WIPF3: variants seen among roughly 807,000 people sequenced by gnomAD.
The protein encoded by WIPF3 is WAS/WASL interacting protein family member 3.
Under a neutral mutation model 38.9 loss-of-function variants are expected in WIPF3, and 33 were observed. That is an observed-to-expected ratio of 0.85 (90% CI 0.64 to 1.14). The LOEUF (loss-of-function observed/expected upper bound fraction) is 1.14. WIPF3 is among the 50% of genes most tolerant of loss of function. The probability of loss-of-function intolerance (pLI) is 0.00; values close to 1 mark genes in which losing one functional copy is unlikely to be tolerated. For synonymous variants in WIPF3, 324 were observed against 269.3 expected, an observed-to-expected ratio of 1.20 and a Z score of -1.99; for missense variants, 711 against 652.5, an observed-to-expected ratio of 1.09 and a Z score of -0.98.
chr7:29,851,482 G>T (rs2128068762), intron 2 of WIPF3, among the ~76,000 whole-genome samples: 1 of 152,218 alleles, frequency 6.6e-6, no homozygotes, highest in South Asian at 2.1e-4. Flanking sequence ...GGTCATGCAA[G>T]ACCACTCCCT....
intron 2 of WIPF3, among the ~76,000 whole-genome samples, chr7:29,866,236 G>T (rs1419632774): frequency 6.6e-6 from 1 of 152,220 alleles, no homozygotes; most frequent in African/African-American, 2.4e-5. Context: ...GAACTTTCTA[G>T]AAATTTTGGA....
chr7:29,884,711 C>G, intron 5 of WIPF3, 118 bp downstream of exon 5: 1 of 1,393,248 alleles, frequency 7.2e-7, no homozygotes, highest in Non-Finnish European at 9.4e-7. Flanking sequence ...GTGAGGGAGG[C>G]AGAGAGACTT....
chr7:29,898,315 A>T lies in WIPF3; in HGVS notation c.1352-5971A>T, dbSNP rs143740983. Among the ~76,000 whole-genome samples, 30 of 152,236 alleles carry T rather than the reference A, an allele frequency of 2.0e-4. No individual in the cohort carries two copies. The East Asian group carries it at 2.5e-3, about 13-fold the overall frequency. On this transcript the variant is annotated intron_variant, in intron 7 of 8. Transcript: ENST00000242140. ...CTTCTACTCCTGCATCCAACTTACC[A>T]GTGAACTCGGGTGTCTCTCCTTGAA...
chr7:29,834,645 T>A, intron 1 of WIPF3, 23 bp from the exon 2 acceptor site: 5 of 1,388,450 alleles, frequency 3.6e-6, no homozygotes, highest in Non-Finnish European at 4.7e-6. Flanking sequence ...CAAGTTTAAA[T>A]CCATTCTTTT....
chr7:29,842,795 T>C lies in WIPF3; in HGVS notation c.90+7981T>C, dbSNP rs1231199756. On this transcript the variant is annotated intron_variant, in intron 2 of 8. Coordinates refer to ENST00000242140, the MANE Select transcript of WIPF3 (RefSeq NM_001080529.3). ...GGCAGAGGGTCGCTAGGTGGAAGGGTGCTTAGTAGAATTGCATATTGCACC... is the reference window on the plus strand; with the variant it reads ...GGCAGAGGGTCGCTAGGTGGAAGGGCGCTTAGTAGAATTGCATATTGCACC... Among the ~76,000 whole-genome samples the C allele has an allele frequency of 2.0e-5, 3 of 152,130 alleles. No individual in the cohort carries two copies. In the East Asian group the frequency reaches 5.8e-4, roughly 29 times the overall value.
chr7:29,914,388 T>G, intron 8 of WIPF3, 105 bp from the exon 9 acceptor site: 1 of 921,074 alleles, frequency 1.1e-6, no homozygotes, highest in Non-Finnish European at 1.5e-6. Flanking sequence ...CTTGCATGAA[T>G]GAGAAGCTTC....
chr7:29,843,856 C>A (rs1331694643), intron 2 of WIPF3, among the ~76,000 whole-genome samples: 1 of 151,984 alleles, frequency 6.6e-6, no homozygotes, highest in Non-Finnish European at 1.5e-5. Flanking sequence ...GAGAACCAGC[C>A]CTGCCCAGGG....
At chr7:29,849,207 C>A (rs1489776118) in intron 2 of WIPF3, among the ~76,000 whole-genome samples, 1 of 152,036 alleles carries the variant, frequency 6.6e-6, no homozygotes, top group Admixed American at 6.6e-5. Flanking sequence ...AGCTCTCCTG[C>A]CCTAATCGTT....
At chr7:29,913,023 T>C (rs1786532887) in intron 8 of WIPF3, among the ~76,000 whole-genome samples, 1 of 152,210 alleles carries the variant, frequency 6.6e-6, no homozygotes, top group Non-Finnish European at 1.5e-5. Context: ...TATGAATGTA[T>C]TTAATACCCC....
At chr7:29,910,478 G>A (rs1239753016) in intron 8 of WIPF3, among the ~76,000 whole-genome samples, 3 of 152,090 alleles carry the variant, frequency 2.0e-5, no homozygotes, top group Non-Finnish European at 4.4e-5. Context: ...GAAAACCGTA[G>A]ACCAATATCC....
At chr7:29,807,624 C>T (rs968107802) in intron 1 of WIPF3, among the ~76,000 whole-genome samples, 1 of 152,228 alleles carries the variant, frequency 6.6e-6, no homozygotes, top group Non-Finnish European at 1.5e-5. Context: ...GCGCCTCCCT[C>T]TGGAAAGAAG....
intron 2 of WIPF3, among the ~76,000 whole-genome samples, chr7:29,865,028 C>T (rs1022044437): frequency 6.6e-6 from 1 of 152,270 alleles, no homozygotes; most frequent in East Asian, 1.9e-4. Context: ...TTACCAGGTG[C>T]CAAGCCCTGT....
intron 8 of WIPF3, among the ~76,000 whole-genome samples, chr7:29,906,849 C>A (rs945874378): frequency 6.6e-6 from 1 of 152,188 alleles, no homozygotes; most frequent in East Asian, 1.9e-4. Flanking sequence ...ACTTTGAAGG[C>A]CAGAAGGTGG....
At chr7:29,873,313 G>C (rs939720876) in intron 2 of WIPF3, among the ~76,000 whole-genome samples, 1 of 152,158 alleles carries the variant, frequency 6.6e-6, no homozygotes, top group African/African-American at 2.4e-5. Context: ...GTTGGGCTGT[G>C]AATATTATTA....
At chr7:29,874,822 A>G (rs1050212609) in intron 2 of WIPF3, among the ~76,000 whole-genome samples, 1 of 152,224 alleles carries the variant, frequency 6.6e-6, no homozygotes, top group Admixed American at 6.5e-5. Flanking sequence ...ACTTGCAGAA[A>G]TAGGACAAAA....
chr7:29,832,819 C>G (rs1050540641), intron 1 of WIPF3, among the ~76,000 whole-genome samples: 2 of 152,204 alleles, frequency 1.3e-5, no homozygotes, highest in Non-Finnish European at 2.9e-5. Flanking sequence ...AGCAATTCCA[C>G]TCTTGCATAT....
At chr7:29,865,645 G>A (rs184519780) in intron 2 of WIPF3, among the ~76,000 whole-genome samples, 60 of 152,262 alleles carry the variant, frequency 3.9e-4, no homozygotes, top group African/African-American at 1.4e-3. Flanking sequence ...GAACACATAT[G>A]CTCAGCAGCC....
At chr7:29,815,381 G>C (rs778165695) in intron 1 of WIPF3, among the ~76,000 whole-genome samples, 1 of 152,214 alleles carries the variant, frequency 6.6e-6, no homozygotes, top group Non-Finnish European at 1.5e-5. Flanking sequence ...CTTGAGGTTA[G>C]AAATTTGCCT....
chr7:29,894,242 C>T (rs1218804084), intron 7 of WIPF3, among the ~76,000 whole-genome samples: 1 of 152,164 alleles, frequency 6.6e-6, no homozygotes, highest in South Asian at 2.1e-4. Context: ...GTCCGTGGTG[C>T]TCACTCGCGT....
Sources: gnomAD v4.1 joint callset for allele counts (sites outside exome capture counted in the v4.1 genomes callset) on GRCh38, gnomAD v4.1.1 for gene constraint, MANE v1.5 for transcripts, NCBI Gene and HGNC (gene_info 2026-07-23, HGNC 2026-07-21) for gene names.